Variants in DCHS2 observed in about 807,000 individuals in gnomAD.
DCHS2 encodes dachsous cadherin-related 2.
Under a neutral mutation model 182.4 loss-of-function variants are expected in DCHS2, and 142 were observed. The observed-to-expected ratio is 0.78, with a 90% confidence interval of 0.68 to 0.89. The LOEUF (loss-of-function observed/expected upper bound fraction) is 0.89. DCHS2 is among the 40% of genes least tolerant of loss of function. The probability of loss-of-function intolerance (pLI) is 0.00; values close to 1 mark genes in which losing one functional copy is unlikely to be tolerated. For missense variants in DCHS2, 4,319 were observed against 4,198.6 expected (o/e 1.03, Z -0.79); for synonymous variants, 1,740 against 1,663.3 (o/e 1.05, Z -1.12).
intron 1 of DCHS2, among the ~76,000 whole-genome samples, chr4:154,381,388 T>C (rs1420002387): frequency 6.6e-6 from 1 of 152,090 alleles, no homozygotes. Context: ...CAGACAAGGA[T>C]ATACACTTTC....
At chr4:154,363,226 G>GA (rs887384850) in intron 3 of DCHS2, among the ~76,000 whole-genome samples, 34 of 151,702 alleles carry the variant, frequency 2.2e-4, no homozygotes, top group Middle Eastern at 3.4e-3. Context: ...ATATCCAAAG[G>GA]AAAAAAAATC....
intron 1 of DCHS2, among the ~76,000 whole-genome samples, chr4:154,417,486 T>G (rs1257308311): frequency 6.6e-6 from 1 of 152,146 alleles, no homozygotes; most frequent in Non-Finnish European, 1.5e-5. Flanking sequence ...AAGGGAGGGA[T>G]CTCACGATAT....
chr4:154,382,588 ACT>A (rs1561080511), intron 1 of DCHS2, among the ~76,000 whole-genome samples: 1 of 152,036 alleles, frequency 6.6e-6, no homozygotes, highest in East Asian at 1.9e-4. Context: ...ATAATCACAA[ACT>A]ATATATCTGA....
intron 16 of DCHS2, among the ~76,000 whole-genome samples, chr4:154,248,573 A>T (rs1732197762): frequency 6.6e-6 from 1 of 152,190 alleles, no homozygotes; most frequent in Non-Finnish European, 1.5e-5. Flanking sequence ...ATATGCTTAG[A>T]TCAAAATCTT....
At chr4:154,432,873 T>C (rs2110938395) in intron 1 of DCHS2, among the ~76,000 whole-genome samples, 1 of 152,264 alleles carries the variant, frequency 6.6e-6, no homozygotes, top group East Asian at 1.9e-4. Flanking sequence ...GTCTACTCCC[T>C]AGCTCCATTT....
At chr4:154,346,626 T>C (rs1729372904) in intron 3 of DCHS2, among the ~76,000 whole-genome samples, 1 of 151,994 alleles carries the variant, frequency 6.6e-6, no homozygotes, top group African/African-American at 2.4e-5. Context: ...TGTAAGTAAC[T>C]GTTCATGCTT....
chr4:154,383,251 C>T (rs971270428), intron 1 of DCHS2, among the ~76,000 whole-genome samples: 2 of 152,144 alleles, frequency 1.3e-5, no homozygotes, highest in Non-Finnish European at 2.9e-5. Context: ...AAACCAAATA[C>T]TGCAGTTCTC....
Position 154,376,486 on chromosome 4 carries a change from C to A in DCHS2, c.2244+767G>T, listed in dbSNP as rs191676676. 9.1e-4 allele frequency among the ~76,000 whole-genome samples: 139 copies of A among 152,074 alleles called. 2 individuals carry two copies. The East Asian group carries it at 0.024, about 27-fold the overall frequency. Reference sequence around the variant, plus strand: ...AACTGGTAAAATAAAAACAAATAATCAAGCCTTATCCTGCAATTCCTGTAT... The same window carrying A: ...AACTGGTAAAATAAAAACAAATAATAAAGCCTTATCCTGCAATTCCTGTAT... On this transcript the variant is annotated intron_variant, in intron 2 of 19. Coordinates refer to ENST00000357232, the MANE Select transcript of DCHS2 (RefSeq NM_001358235.2).
At chr4:154,415,179 C>G (rs902460) in intron 1 of DCHS2, among the ~76,000 whole-genome samples, 144,198 of 152,338 alleles carry the variant, frequency 0.95, 68,737 homozygotes, top group East Asian at 1. Flanking sequence ...AGGGAACTAA[C>G]CATAAAAATT....
At position 154,232,153 on chromosome 4, in the gene DCHS2, C is replaced by G. The variant is rs1189145858; in HGVS notation, c.*2383G>C. 6.6e-6 allele frequency: 1 copy of G among 152,036 alleles called. No individual in the cohort carries two copies. The highest frequency in any genetic ancestry group is 6.6e-5 in the Admixed American group (1 of 15,238). 9.4% of individuals were successfully genotyped at this position (152,036 alleles called of 1,614,324 possible). On this transcript the variant is annotated 3_prime_UTR_variant, in exon 20 of 20. Transcript: ENST00000357232. ...GTGCTAAAGCCAGTGCATAGATCAGCAAAGTAACCCAGAACATATGAGGCA... is the reference window on the plus strand; with the variant it reads ...GTGCTAAAGCCAGTGCATAGATCAGGAAAGTAACCCAGAACATATGAGGCA...
chr4:154,404,745 T>G (rs1269484546), intron 1 of DCHS2, among the ~76,000 whole-genome samples: 1 of 152,248 alleles, frequency 6.6e-6, no homozygotes, highest in African/African-American at 2.4e-5. Context: ...AATGATTAAT[T>G]GACCTTTTAT....
rs747015375 is a variant in DCHS2 at position 154,391,245 on chromosome 4, A to G, written c.2053-13801T>C. The G allele has an allele frequency of 5.6e-6, 9 of 1,612,848 alleles. No homozygotes were observed. In the South Asian group the frequency reaches 9.9e-5, roughly 18 times the overall value. Reference sequence around the variant, plus strand: ...AGTACTTTCAAACTGCTGAGTAAACATCTTCTTTTCTCCGTCTTCATTCTC... The same window carrying G: ...AGTACTTTCAAACTGCTGAGTAAACGTCTTCTTTTCTCCGTCTTCATTCTC... On this transcript the variant is annotated intron_variant, in intron 1 of 19. Coordinates refer to ENST00000357232, the MANE Select transcript of DCHS2 (RefSeq NM_001358235.2).
rs1734232560 is a variant in DCHS2, at chr4:154,445,255, T to C, written c.2052+44049A>G. On this transcript the variant is annotated intron_variant, in intron 1 of 19. Coordinates refer to ENST00000357232, the MANE Select transcript of DCHS2 (RefSeq NM_001358235.2). ...AGTCTGGAACCTAGTAAAGCCTCCA[T>C]AAATAAATATTTCCTGAATGAATTA... is the stretch of plus-strand genomic sequence containing the variant. Among the ~76,000 whole-genome samples, 4 of 152,184 alleles carry C rather than the reference T, an allele frequency of 2.6e-5. No individual in the cohort carries two copies. In the South Asian group the frequency reaches 8.3e-4, roughly 32 times the overall value.
intron 7 of DCHS2, among the ~76,000 whole-genome samples, chr4:154,324,343 C>T (rs1249566576): frequency 6.6e-6 from 1 of 152,118 alleles, no homozygotes. Flanking sequence ...ATGGTGCAGA[C>T]TCATCTTGTA....
chr4:154,486,533 AAAACT>A, intron 1 of DCHS2: 5 of 1,303,656 alleles, frequency 3.8e-6, no homozygotes, highest in Non-Finnish European at 5.1e-6. Flanking sequence ...GTAAAAGAGG[AAAACT>A]TGTAGATGGC....
intron 13 of DCHS2, among the ~76,000 whole-genome samples, chr4:154,278,619 TA>T (rs199732519): frequency 8.2e-4 from 118 of 143,760 alleles, no homozygotes; most frequent in Admixed American, 1.3e-3. Context: ...AATCTTAAAT[TA>T]AAAAAAAAAA....
intron 13 of DCHS2, among the ~76,000 whole-genome samples, chr4:154,280,177 G>A (rs1734064717): frequency 6.6e-6 from 1 of 151,964 alleles, no homozygotes; most frequent in South Asian, 2.1e-4. Flanking sequence ...ACTGAATCAT[G>A]AATAAATAGA....
intron 12 of DCHS2, among the ~76,000 whole-genome samples, chr4:154,299,670 A>T (rs1272095406): frequency 1.3e-5 from 2 of 152,294 alleles, no homozygotes; most frequent in East Asian, 3.9e-4. Context: ...AAAAGTAGAG[A>T]TGATTGGACA....
chr4:154,409,749 C>G (rs1286665974), intron 1 of DCHS2, among the ~76,000 whole-genome samples: 1 of 152,088 alleles, frequency 6.6e-6, no homozygotes, highest in Non-Finnish European at 1.5e-5. Context: ...GACATGACAC[C>G]AAGAGGGATC....
Sources: gnomAD v4.1 joint callset for allele counts (sites outside exome capture counted in the v4.1 genomes callset) on GRCh38, gnomAD v4.1.1 for gene constraint, MANE v1.5 for transcripts, NCBI Gene and HGNC (gene_info 2026-07-23, HGNC 2026-07-21) for gene names.